IREB2: variants seen among roughly 807,000 people sequenced by gnomAD.
The protein encoded by IREB2 is iron responsive element binding protein 2.
In IREB2, 39 loss-of-function variants were observed where a neutral mutation model predicts 118.8. The ratio of observed to expected loss-of-function variants is 0.33; its 90% CI spans 0.25 to 0.43. The LOEUF (loss-of-function observed/expected upper bound fraction) is 0.43. Ranked by LOEUF, IREB2 falls within the 20% of genes least tolerant of loss-of-function variation. The probability of loss-of-function intolerance (pLI) is 1.00; values close to 1 mark genes in which losing one functional copy is unlikely to be tolerated. For synonymous variants in IREB2, 372 were observed against 392.2 expected (o/e 0.95, Z 0.61); for missense variants, 900 against 1,147.3 (o/e 0.78, Z 3.11).
intron 2 of IREB2, among the ~76,000 whole-genome samples, chr15:78,454,805 C>T (rs1354209230): frequency 6.6e-6 from 1 of 152,220 alleles, no homozygotes; most frequent in Non-Finnish European, 1.5e-5. Context: ...GGGAGCCTCC[C>T]GCTTCAGCCT....
At chr15:78,475,825 C>G (rs28602670) in intron 8 of IREB2, 35,055 of 157,514 alleles carry the variant, frequency 0.22, 4,236 homozygotes, top group South Asian at 0.35. Flanking sequence ...GCGCTCCAGC[C>G]TGGGCAACAG....
rs745363463 is a variant in IREB2, at chr15:78,488,278, A to G, written c.1893A>G (p.Leu631=). The G allele has an allele frequency of 8.7e-6, 14 of 1,611,046 alleles. No homozygotes were observed. The highest frequency in any genetic ancestry group is 1.2e-5 in the Non-Finnish European group (14 of 1,179,124). Residue 631 remains leucine, a synonymous_variant, in exon 15 of 22, where the codon TTA becomes TTG. Transcript: ENST00000258886. The stretch of plus-strand genomic sequence containing the variant: ...CCAATTATCTTGCCTCTCCACCCTT[A>G]GTGGTAGCTTATGCCATAGCAGGCA... ...VRANYLASPP[L]VVAYAIAGTV... is the part of the protein sequence containing the mutation.
At position 78,478,377 on chromosome 15, in the gene IREB2, G is replaced by A; in HGVS notation, c.1276G>A (p.Gly426Arg). 1.9e-6 allele frequency: 3 copies of A among 1,604,260 alleles called. No individual in the cohort carries two copies. Among genetic ancestry groups the A allele is most frequent in the Admixed American group, 1.7e-5 (1 of 59,998 alleles). The change falls in exon 10 of 22, where the codon GGA (glycine) becomes AGA (arginine). Residue 426 changes from glycine (G) to arginine (R), a missense_variant. Physicochemically the swap from Gly to Arg is moderately radical, Grantham distance 125. Transcript: ENST00000258886. Reference sequence around the variant, plus strand: ...GTTTCGAAATGACCAGAATTCTTCAGGAGAACCTGAATACTCCCAGGTATA... The same window carrying A: ...GTTTCGAAATGACCAGAATTCTTCAAGAGAACCTGAATACTCCCAGGTATA... ...KLFRNDQNSS[G>R]EPEYSQVIQI...
At chr15:78,497,952 T>A (rs1382832606) in intron 21 of IREB2, 81 bp from the exon 22 acceptor site, 8 of 749,720 alleles carry the variant, frequency 1.1e-5, no homozygotes, top group Non-Finnish European at 1.9e-5. Flanking sequence ...AGTCATTAAA[T>A]ATGAAGACAA....
At chr15:78,438,709 C>G (rs979361651) in intron 1 of IREB2, 58 of 373,582 alleles carry the variant, frequency 1.6e-4, no homozygotes, top group Middle Eastern at 1.5e-3. Context: ...CCTGCCCGCC[C>G]CCCATTGGCG....
intron 2 of IREB2, among the ~76,000 whole-genome samples, chr15:78,450,400 G>T (rs1595986728): frequency 6.6e-6 from 1 of 152,228 alleles, no homozygotes; most frequent in Non-Finnish European, 1.5e-5. Flanking sequence ...CTTGGAAGAG[G>T]TTCAGAACTC....
intron 2 of IREB2, among the ~76,000 whole-genome samples, chr15:78,458,729 G>A (rs1316879626): frequency 6.6e-6 from 1 of 152,114 alleles, no homozygotes; most frequent in Non-Finnish European, 1.5e-5. Flanking sequence ...CCTAGTAGGC[G>A]CCAGCTTCAT....
chr15:78,448,978 AT>A (rs1437617669), intron 2 of IREB2, among the ~76,000 whole-genome samples: 1 of 152,218 alleles, frequency 6.6e-6, no homozygotes, highest in Non-Finnish European at 1.5e-5. Context: ...TTCTGCAAAT[AT>A]CAAAACCCTT....
chr15:78,442,693 G>T (rs1353619308), intron 2 of IREB2, among the ~76,000 whole-genome samples: 1 of 152,208 alleles, frequency 6.6e-6, no homozygotes, highest in African/African-American at 2.4e-5. Context: ...ACATAACGAA[G>T]TGTGGAGATT....
At chr15:78,445,141 T>TTA (rs1567161611) in intron 2 of IREB2, among the ~76,000 whole-genome samples, 4 of 118,978 alleles carry the variant, frequency 3.4e-5, no homozygotes, top group Non-Finnish European at 7.7e-5. Flanking sequence ...TCTTTATTTT[T>TTA]TTTTTTTTTT....
chr15:78,470,684 T>A, intron 6 of IREB2, 83 bp downstream of exon 6: 2 of 537,774 alleles, frequency 3.7e-6, no homozygotes, highest in Non-Finnish European at 6.2e-6. Flanking sequence ...TTTCTTTTTC[T>A]TTTCCTTTTT....
intron 1 of IREB2, chr15:78,438,716 G>C (rs2050796456): frequency 2.8e-6 from 1 of 355,734 alleles, no homozygotes; most frequent in African/African-American, 2.2e-5. Flanking sequence ...GCCCCCCATT[G>C]GCGAGCGATG....
At chr15:78,493,187 G>A (rs1436237888) in intron 18 of IREB2, among the ~76,000 whole-genome samples, 1 of 146,892 alleles carries the variant, frequency 6.8e-6, no homozygotes, top group African/African-American at 2.5e-5. Flanking sequence ...AACTATACAA[G>A]TAACTTTATT....
intron 5 of IREB2, among the ~76,000 whole-genome samples, chr15:78,466,850 T>C (rs920557266): frequency 6.6e-6 from 1 of 152,228 alleles, no homozygotes; most frequent in Admixed American, 6.5e-5. Flanking sequence ...ATATTTCTTA[T>C]GTTAATTCCC....
At chr15:78,447,332 A>AT (rs778920348) in intron 2 of IREB2, among the ~76,000 whole-genome samples, 50,539 of 138,376 alleles carry the variant, frequency 0.37, 9,840 homozygotes, top group Non-Finnish European at 0.45. Context: ...CACCTGGCTA[A>AT]TTTTTTTTTT....
intron 7 of IREB2, among the ~76,000 whole-genome samples, chr15:78,472,431 A>G (rs929577237): frequency 5.3e-5 from 8 of 151,716 alleles, no homozygotes; most frequent in African/African-American, 1.9e-4. Context: ...CAGTGGCACA[A>G]TCTTGGCTCA....
At chr15:78,460,827 T>C (rs2051184459) in intron 2 of IREB2, among the ~76,000 whole-genome samples, 1 of 152,124 alleles carries the variant, frequency 6.6e-6, no homozygotes, top group Admixed American at 6.5e-5. Context: ...GATTTTTTTT[T>C]CCAGATTTTA....
intron 21 of IREB2, 44 bp from the exon 22 acceptor site, chr15:78,497,989 G>T: frequency 9.1e-7 from 1 of 1,095,794 alleles, no homozygotes; most frequent in South Asian, 1.3e-5. Flanking sequence ...AGTAGCACCT[G>T]GAAGATTTAC....
chr15:78,486,881 G>A (rs2051670194), intron 13 of IREB2, among the ~76,000 whole-genome samples: 2 of 152,028 alleles, frequency 1.3e-5, no homozygotes, highest in Non-Finnish European at 2.9e-5. Flanking sequence ...TGTTGGCCAG[G>A]CTCGTCTCAA....
Sources: allele counts gnomAD v4.1 joint callset (sites outside exome capture counted in the v4.1 genomes callset), GRCh38; gene constraint gnomAD v4.1.1; transcripts MANE v1.5; gene names NCBI Gene and HGNC (gene_info 2026-07-23, HGNC 2026-07-21).